The following KCTD8 variants were observed in gnomAD, a reference collection of about 807,000 sequenced individuals.
The protein encoded by KCTD8 is potassium channel tetramerization domain containing 8, also known as BTB/POZ domain-containing protein KCTD8.
KCTD8 carries 27 observed loss-of-function variants against 31.5 expected under a neutral mutation model. The observed-to-expected ratio is 0.86, with a 90% CI of 0.63 to 1.18. KCTD8 has a LOEUF of 1.18. Among genes scored for constraint, KCTD8 ranks in the 50% most tolerant of loss-of-function variants. The pLI is 0.00. For missense variants in KCTD8, 658 were observed against 647.7 expected (o/e 1.02, Z -0.17); for synonymous variants, 290 against 280.0 (o/e 1.04, Z -0.36).
chr4:44,350,275 C>T (rs1042137603), intron 1 of KCTD8, among the ~76,000 whole-genome samples: 2 of 152,112 alleles, frequency 1.3e-5, no homozygotes, highest in African/African-American at 4.8e-5. Context: ...TTATTAAAAT[C>T]CTACCCATCA....
chr4:44,385,932 T>C lies in KCTD8; in HGVS notation c.961+61631A>G, dbSNP rs776403149. ...TTCTCCAAAGAAAATGTATGAATGA[T>C]TGATAAGCACATGAAAAGATGCTCA... On this transcript the variant is annotated intron_variant, in intron 1 of 1. Coordinates refer to ENST00000360029, the MANE Select transcript of KCTD8 (RefSeq NM_198353.3). Among the ~76,000 whole-genome samples, 85 of 151,478 alleles carry C rather than the reference T, an allele frequency of 5.6e-4. 1 individual carries two copies. Among genetic ancestry groups the C allele is most frequent in the Admixed American group, 2.8e-3 (43 of 15,152 alleles).
intron 1 of KCTD8, among the ~76,000 whole-genome samples, chr4:44,212,938 GTTTGTT>G (rs1714534621): frequency 6.6e-6 from 1 of 151,500 alleles, no homozygotes; most frequent in South Asian, 2.1e-4. Flanking sequence ...TTTTTTGTTT[GTTTGTT>G]TGTTTGTTTT....
In KCTD8 at chr4:44,286,555, A is replaced by G. The variant is rs1717078230; in HGVS notation, c.962-111305T>C. 2.6e-5 allele frequency among the ~76,000 whole-genome samples: 4 copies of G among 152,246 alleles called. No homozygotes were observed. In the South Asian group the frequency reaches 8.3e-4, roughly 32 times the overall value. On this transcript the variant is annotated intron_variant, in intron 1 of 1. Coordinates refer to ENST00000360029, the MANE Select transcript of KCTD8 (RefSeq NM_198353.3). ...TACAAATGCAATAGTCTCCTAACAG[A>G]TAAGAAAGCCCAATGTAGCTGGGCA...
intron 1 of KCTD8, among the ~76,000 whole-genome samples, chr4:44,323,961 T>C (rs1718374639): frequency 1.3e-5 from 2 of 150,828 alleles, no homozygotes; most frequent in South Asian, 4.2e-4. Context: ...AGTTAGTGGG[T>C]GCAGCGCACC....
intron 1 of KCTD8, chr4:44,293,359 C>A: frequency 2.4e-6 from 1 of 413,566 alleles, no homozygotes; most frequent in South Asian, 1.8e-5. Context: ...AATTTAAAAC[C>A]AGATTAATTT....
intron 1 of KCTD8, among the ~76,000 whole-genome samples, chr4:44,435,882 A>T (rs1721632445): frequency 6.6e-6 from 1 of 152,054 alleles, no homozygotes; most frequent in Non-Finnish European, 1.5e-5. Flanking sequence ...AAAACTGGCT[A>T]TGAATAAGAA....
At chr4:44,236,462 T>A (rs1265335125) in intron 1 of KCTD8, among the ~76,000 whole-genome samples, 1 of 141,378 alleles carries the variant, frequency 7.1e-6, no homozygotes, top group East Asian at 2.2e-4. Flanking sequence ...TAAAATGAGT[T>A]CAGTTTTGGA....
chr4:44,224,478 T>C (rs552280625), intron 1 of KCTD8, among the ~76,000 whole-genome samples: 1 of 152,312 alleles, frequency 6.6e-6, no homozygotes, highest in Admixed American at 6.5e-5. Context: ...GTGATATCCA[T>C]CTGCGTTTGT....
chr4:44,204,149 T>C (rs1714233008), intron 1 of KCTD8, among the ~76,000 whole-genome samples: 1 of 152,000 alleles, frequency 6.6e-6, no homozygotes, highest in South Asian at 2.1e-4. Flanking sequence ...CTAATATCCA[T>C]AAATGATTTA....
In KCTD8 at chr4:44,414,465, G is replaced by A. The variant is rs564706908; in HGVS notation, c.961+33098C>T. On this transcript the variant is annotated intron_variant, in intron 1 of 1. Coordinates refer to ENST00000360029, the MANE Select transcript of KCTD8 (RefSeq NM_198353.3). ...GCTCTGGGTAGTGGGCTATAAGAAT[G>A]GCATCATCTCTATTATAAATGTGTC... Among the ~76,000 whole-genome samples, 29 of 152,144 alleles carry A rather than the reference G, an allele frequency of 1.9e-4. No homozygotes were observed. In the South Asian group the frequency reaches 5.8e-3, roughly 31 times the overall value.
chr4:44,434,208 C>T (rs1721586465), intron 1 of KCTD8, among the ~76,000 whole-genome samples: 1 of 151,836 alleles, frequency 6.6e-6, no homozygotes, highest in African/African-American at 2.4e-5. Flanking sequence ...CTAATGCCTT[C>T]CCTGAACTCT....
At chr4:44,387,590 T>C (rs67722278) in intron 1 of KCTD8, among the ~76,000 whole-genome samples, 13,161 of 151,924 alleles carry the variant, frequency 0.087, 602 homozygotes, top group South Asian at 0.16. Context: ...ATTTGATCTT[T>C]GACAAACCTG....
rs77520289 is a variant in KCTD8 at position 44,380,385 on chromosome 4, T to A, written c.961+67178A>T. Among the ~76,000 whole-genome samples the A allele has an allele frequency of 2.1e-4, 31 of 145,420 alleles. No homozygotes were observed. In the East Asian group the frequency reaches 5.7e-3, roughly 27 times the overall value. On this transcript the variant is annotated intron_variant, in intron 1 of 1. Coordinates refer to ENST00000360029, the MANE Select transcript of KCTD8 (RefSeq NM_198353.3). ...GACCAAATGGAGAATGAGTACATGTTAAAATCAATATTGGCAAGCGAGACT... is the reference window on the plus strand; with the variant it reads ...GACCAAATGGAGAATGAGTACATGTAAAAATCAATATTGGCAAGCGAGACT...
intron 1 of KCTD8, among the ~76,000 whole-genome samples, chr4:44,347,316 C>G (rs1410800504): frequency 2.6e-5 from 4 of 152,154 alleles, no homozygotes; most frequent in Admixed American, 2.6e-4. Context: ...CTTTGGGCCA[C>G]AGGTGGTGCA....
At chr4:44,251,351 C>T (rs1050649089) in intron 1 of KCTD8, among the ~76,000 whole-genome samples, 1 of 151,540 alleles carries the variant, frequency 6.6e-6, no homozygotes, top group Non-Finnish European at 1.5e-5. Flanking sequence ...TTGACAAATT[C>T]AAACAAACAG....
intron 1 of KCTD8, among the ~76,000 whole-genome samples, chr4:44,391,315 A>T (rs1304044965): frequency 6.6e-6 from 1 of 151,592 alleles, no homozygotes; most frequent in Non-Finnish European, 1.5e-5. Context: ...TTCCCCAAAA[A>T]CCTATTGAAA....
chr4:44,291,397 C>T (rs999589622), intron 1 of KCTD8, among the ~76,000 whole-genome samples: 1 of 152,004 alleles, frequency 6.6e-6, no homozygotes, highest in African/African-American at 2.4e-5. Context: ...AAGGACTCCC[C>T]ACTCAATAAA....
chr4:44,358,696 G>A (rs980430226), intron 1 of KCTD8, among the ~76,000 whole-genome samples: 2 of 151,998 alleles, frequency 1.3e-5, no homozygotes, highest in Non-Finnish European at 2.9e-5. Flanking sequence ...AGCCTCCCGA[G>A]TAGCTGGGAC....
At chr4:44,427,940 A>T (rs940049788) in intron 1 of KCTD8, among the ~76,000 whole-genome samples, 11 of 151,800 alleles carry the variant, frequency 7.2e-5, no homozygotes, top group Non-Finnish European at 1.6e-4. Flanking sequence ...AAAACTATGA[A>T]GTTAATAAAC....
Sources: allele counts gnomAD v4.1 joint callset (sites outside exome capture counted in the v4.1 genomes callset), GRCh38; gene constraint gnomAD v4.1.1; transcripts MANE v1.5; gene names NCBI Gene and HGNC (gene_info 2026-07-23, HGNC 2026-07-21).